Variants in CA10 observed in about 807,000 individuals in gnomAD.
CA10 encodes carbonic anhydrase-related protein 10.
CA10 carries 14 observed loss-of-function variants against 44.2 expected under a neutral mutation model. The ratio of observed to expected loss-of-function variants is 0.32; its 90% confidence interval spans 0.21 to 0.50. The LOEUF is 0.50. CA10 is among the 20% of genes least tolerant of loss of function. CA10 has a pLI of 0.99. For missense variants in CA10, 350 were observed against 409.7 expected, an observed-to-expected ratio of 0.85 and a Z score of 1.26; for synonymous variants, 159 against 141.6, an observed-to-expected ratio of 1.12 and a Z score of -0.87.
At chr17:52,118,956 A>T (rs1988955048) in intron 1 of CA10, among the ~76,000 whole-genome samples, 1 of 152,222 alleles carries the variant, frequency 6.6e-6, no homozygotes, top group South Asian at 2.1e-4. Context: ...TGGAATAATG[A>T]ATTCATGAAG....
At chr17:51,727,399 A>T (rs373214757) in intron 4 of CA10, among the ~76,000 whole-genome samples, 1 of 149,758 alleles carries the variant, frequency 6.7e-6, no homozygotes, top group African/African-American at 2.5e-5. Flanking sequence ...CACCAAGACG[A>T]TTTTTTTTTT....
At chr17:52,126,280 G>A (rs567536390) in intron 1 of CA10, among the ~76,000 whole-genome samples, 243 of 152,270 alleles carry the variant, frequency 1.6e-3, no homozygotes, top group Middle Eastern at 3.4e-3. Flanking sequence ...ACATATGAAA[G>A]AATAGAAATG....
At chr17:51,916,961 A>G (rs994264671) in intron 3 of CA10, among the ~76,000 whole-genome samples, 2 of 152,146 alleles carry the variant, frequency 1.3e-5, no homozygotes, top group Admixed American at 6.6e-5. Flanking sequence ...CACCAGCTAC[A>G]ATAGTTGGTG....
At chr17:51,898,670 A>G (rs1257893274) in intron 3 of CA10, among the ~76,000 whole-genome samples, 1 of 152,132 alleles carries the variant, frequency 6.6e-6, no homozygotes, top group African/African-American at 2.4e-5. Context: ...CTGTGAATTC[A>G]TCTGGTCCTG....
At chr17:52,116,397 C>G (rs1377610862) in intron 1 of CA10, among the ~76,000 whole-genome samples, 2 of 151,994 alleles carry the variant, frequency 1.3e-5, no homozygotes, top group Non-Finnish European at 2.9e-5. Context: ...ACATTTTTGC[C>G]CCAAACTCCA....
intron 2 of CA10, among the ~76,000 whole-genome samples, chr17:51,989,342 G>T (rs1175783072): frequency 1.3e-5 from 2 of 151,882 alleles, no homozygotes; most frequent in Admixed American, 6.6e-5. Flanking sequence ...AAAGGCCCCA[G>T]TGTGTGTTGT....
At chr17:51,843,590 T>A (rs1978370063) in intron 3 of CA10, among the ~76,000 whole-genome samples, 1 of 152,218 alleles carries the variant, frequency 6.6e-6, no homozygotes, top group African/African-American at 2.4e-5. Context: ...TGTGTGCTCA[T>A]CTTCAGTGAA....
At chr17:51,973,130 C>A (rs1388556265) in intron 2 of CA10, among the ~76,000 whole-genome samples, 1 of 152,144 alleles carries the variant, frequency 6.6e-6, no homozygotes, top group Non-Finnish European at 1.5e-5. Flanking sequence ...AAACTTCCTG[C>A]CATAAACAAC....
intron 3 of CA10, among the ~76,000 whole-genome samples, chr17:51,870,746 A>G (rs1003150258): frequency 2.0e-5 from 3 of 152,214 alleles, no homozygotes; most frequent in African/African-American, 7.2e-5. Context: ...CCCTCTGATC[A>G]ATGGCTTTGC....
chr17:51,767,938 A>G (rs1441467708), intron 3 of CA10, among the ~76,000 whole-genome samples: 1 of 152,110 alleles, frequency 6.6e-6, no homozygotes, highest in Non-Finnish European at 1.5e-5. Flanking sequence ...GGAGTGGTCC[A>G]TGGCCTGGGG....
At chr17:52,039,445 G>A (rs1986708477) in intron 2 of CA10, among the ~76,000 whole-genome samples, 1 of 151,954 alleles carries the variant, frequency 6.6e-6, no homozygotes, top group Non-Finnish European at 1.5e-5. Context: ...TTTTTAAAGT[G>A]ATCTGAAACC....
chr17:51,670,779 T>C (rs892354805), intron 4 of CA10, among the ~76,000 whole-genome samples: 2 of 152,190 alleles, frequency 1.3e-5, no homozygotes, highest in African/African-American at 4.8e-5. Flanking sequence ...ATTTGATCCT[T>C]GCAAAAATCG....
intron 2 of CA10, among the ~76,000 whole-genome samples, chr17:51,978,731 G>A (rs763129371): frequency 1.1e-4 from 17 of 151,964 alleles, no homozygotes; most frequent in Non-Finnish European, 5.9e-5. Flanking sequence ...AAAGGCCTTT[G>A]CAATGTAAAG....
intron 4 of CA10, among the ~76,000 whole-genome samples, chr17:51,738,551 A>G (rs1011839386): frequency 1.3e-5 from 2 of 152,160 alleles, no homozygotes; most frequent in East Asian, 3.9e-4. Flanking sequence ...TAATTCTCAC[A>G]TTTATCTCAA....
intron 3 of CA10, among the ~76,000 whole-genome samples, chr17:51,863,124 T>A (rs1979387021): frequency 6.6e-6 from 1 of 152,234 alleles, no homozygotes; most frequent in Non-Finnish European, 1.5e-5. Flanking sequence ...AACTTCTCGA[T>A]GAGGTTTTGG....
In CA10 at chr17:51,633,563, T is replaced by C; in HGVS notation, c.877A>G (p.Asn293Asp). The C allele has an allele frequency of 2.5e-6, 4 of 1,614,054 alleles. No individual in the cohort carries two copies. Among genetic ancestry groups the C allele is most frequent in the Non-Finnish European group, 3.4e-6 (4 of 1,179,960 alleles). ...ATATTGGTGCGGATGCAGCGGTTGT[T>C]GAGTGGCTGGACAGGCCTGAAGTTG... is the stretch of plus-strand genomic sequence containing the variant. ...SDNFRPVQPLNNRCIRTNINF... is the reference protein window; with the variant it reads ...SDNFRPVQPLDNRCIRTNINF... The change falls in exon 8 of 9, where the codon AAC (asparagine) becomes GAC (aspartate). Residue 293 changes from asparagine (N) to aspartate (D), a missense_variant. Asn to Asp is a conservative substitution (Grantham distance 23). Coordinates refer to ENST00000451037, the MANE Select transcript of CA10 (RefSeq NM_020178.5).
chr17:51,757,678 A>G (rs1905113316), intron 3 of CA10, among the ~76,000 whole-genome samples: 1 of 152,212 alleles, frequency 6.6e-6, no homozygotes. Flanking sequence ...AAAAACAGAA[A>G]CAATTCAAGT....
At chr17:51,821,870 G>A (rs1426679020) in intron 3 of CA10, among the ~76,000 whole-genome samples, 1 of 152,076 alleles carries the variant, frequency 6.6e-6, no homozygotes, top group Non-Finnish European at 1.5e-5. Context: ...TGTGACCTTT[G>A]GCAATTGGCT....
chr17:51,734,314 A>G (rs186916957), intron 4 of CA10, among the ~76,000 whole-genome samples: 1 of 152,244 alleles, frequency 6.6e-6, no homozygotes, highest in African/African-American at 2.4e-5. Flanking sequence ...TTACTTCCAT[A>G]GGCCTCTTGG....
Sources: gnomAD v4.1 joint callset for allele counts (sites outside exome capture counted in the v4.1 genomes callset) on GRCh38, gnomAD v4.1.1 for gene constraint, MANE v1.5 for transcripts, NCBI Gene and HGNC (gene_info 2026-07-23, HGNC 2026-07-21) for gene names.